WDR93: variants seen among roughly 807,000 people sequenced by gnomAD.
WDR93 encodes WD repeat-containing protein 93.
A neutral mutation model predicts 82.9 loss-of-function variants in WDR93; 73 were observed. The ratio of observed to expected loss-of-function variants is 0.88; its 90% CI spans 0.73 to 1.07. WDR93 has a LOEUF of 1.07. Among genes scored for constraint, WDR93 ranks in the 50% least tolerant of loss-of-function variants. WDR93 has a pLI of 0.00. For missense variants in WDR93, 738 were observed against 826.0 expected, an observed-to-expected ratio of 0.89 and a Z score of 1.31; for synonymous variants, 283 against 300.1, an observed-to-expected ratio of 0.94 and a Z score of 0.59.
chr15:89,729,715 A>C lies in WDR93; in HGVS notation c.1156A>C (p.Arg386=). The C allele has an allele frequency of 3.1e-6, 5 of 1,613,016 alleles. No individual in the cohort carries two copies. Among genetic ancestry groups the C allele is most frequent in the Non-Finnish European group, 4.2e-6 (5 of 1,179,814 alleles). The change falls in exon 11 of 17, where the codon AGA becomes CGA. Residue 386 remains arginine, a synonymous_variant. Coordinates refer to ENST00000268130, the MANE Select transcript of WDR93 (RefSeq NM_020212.2). ...MACVLGIHWT[R]SHNFFLYSLN... is the part of the protein sequence containing the mutation. Reference sequence around the variant, plus strand: ...CTGTGTCCTTGGTATACACTGGACCAGAAGTCACAATTTCTTCCTGTATTC... The same window carrying C: ...CTGTGTCCTTGGTATACACTGGACCCGAAGTCACAATTTCTTCCTGTATTC...
rs765731628 is a variant in WDR93, at chr15:89,722,133, G to C, written c.874G>C (p.Val292Leu). ...YIMKIKPPKPVTGTTFKSPLE... is the reference protein window; with the variant it reads ...YIMKIKPPKPLTGTTFKSPLE... ...AATGAAGATCAAACCACCTAAGCCT[G>C]TTACAGGTAAGTGTGATTCAAATCT... The change falls in exon 8 of 17, where the codon GTT becomes CTT. Residue 292 changes from valine to leucine, a missense_variant. By Grantham distance (32) the Val-to-Leu change is conservative. Coordinates refer to ENST00000268130, the MANE Select transcript of WDR93 (RefSeq NM_020212.2). 3 of 1,599,996 alleles carry C rather than the reference G, an allele frequency of 1.9e-6. No homozygotes were observed. The highest frequency in any genetic ancestry group is 3.5e-5 in the Admixed American group (2 of 57,502).
At chr15:89,711,045 G>A (rs1370747922) in intron 4 of WDR93, among the ~76,000 whole-genome samples, 4 of 152,178 alleles carry the variant, frequency 2.6e-5, no homozygotes, top group Admixed American at 1.3e-4. Flanking sequence ...TGTAATAAAG[G>A]AGTCAGGATG....
intron 6 of WDR93, 119 bp from the exon 7 acceptor site, chr15:89,716,792 G>T: frequency 1.4e-6 from 1 of 733,560 alleles, no homozygotes; most frequent in Non-Finnish European, 2.3e-6. Context: ...CTCCACATCT[G>T]TTGCATGAAT....
intron 13 of WDR93, among the ~76,000 whole-genome samples, 186 bp downstream of exon 13, chr15:89,733,405 G>A (rs1304785283): frequency 1.3e-5 from 2 of 152,150 alleles, no homozygotes; most frequent in Non-Finnish European, 2.9e-5. Context: ...AAAATTGTAT[G>A]ATAGCACAGA....
At chr15:89,736,555 C>T (rs187238558) in intron 14 of WDR93, among the ~76,000 whole-genome samples, 249 of 151,960 alleles carry the variant, frequency 1.6e-3, no homozygotes, top group Non-Finnish European at 3.0e-3. Flanking sequence ...ACAAAGTGAC[C>T]GTGAGGGGCC....
At chr15:89,740,533 C>T (rs1967582920) in intron 16 of WDR93, among the ~76,000 whole-genome samples, 1 of 152,160 alleles carries the variant, frequency 6.6e-6, no homozygotes, top group Non-Finnish European at 1.5e-5. Context: ...CAGAGTTTCA[C>T]TCTTATCACC....
At chr15:89,738,507 A>G (rs555276965) in intron 16 of WDR93, among the ~76,000 whole-genome samples, 66 of 151,824 alleles carry the variant, frequency 4.3e-4, no homozygotes, top group African/African-American at 1.4e-3. Flanking sequence ...CATGCCTGTA[A>G]TCCCAGCTAC....
intron 16 of WDR93, among the ~76,000 whole-genome samples, chr15:89,740,641 A>ACCACTGGGATTAC (rs1393014037): frequency 2.0e-5 from 3 of 151,876 alleles, no homozygotes; most frequent in Admixed American, 1.3e-4. Flanking sequence ...AGCTGGGATT[A>ACCACTGGGATTAC]CAGGCATGCG....
At chr15:89,722,486 T>C (rs1966565826) in intron 8 of WDR93, among the ~76,000 whole-genome samples, 2 of 152,212 alleles carry the variant, frequency 1.3e-5, no homozygotes, top group Admixed American at 6.5e-5. Context: ...AATTTATTCA[T>C]TATTATTTGC....
At chr15:89,696,041 T>C (rs1965155307) in intron 1 of WDR93, among the ~76,000 whole-genome samples, 1 of 152,068 alleles carries the variant, frequency 6.6e-6, no homozygotes, top group Non-Finnish European at 1.5e-5. Flanking sequence ...GGTCTTGAAC[T>C]CCTGACCTCA....
At chr15:89,721,378 G>C (rs554553252) in intron 7 of WDR93, 3 of 152,204 alleles carry the variant, frequency 2.0e-5, no homozygotes, top group Non-Finnish European at 4.4e-5. Context: ...GCAGCATGGC[G>C]AGACCTCATC....
At chr15:89,742,626 C>G (rs555692115) in intron 16 of WDR93, among the ~76,000 whole-genome samples, 3 of 152,294 alleles carry the variant, frequency 2.0e-5, no homozygotes, top group Admixed American at 2.0e-4. Context: ...CTCCATCTCC[C>G]AGATTCAAGC....
At chr15:89,699,585 CTCTT>C (rs541127235) in intron 1 of WDR93, among the ~76,000 whole-genome samples, 243 of 151,530 alleles carry the variant, frequency 1.6e-3, no homozygotes, top group Admixed American at 3.0e-3. Context: ...ATTTCAGTCA[CTCTT>C]TATTAGGCCA....
chr15:89,717,288 G>A (rs13329359), intron 7 of WDR93, among the ~76,000 whole-genome samples: 3 of 151,964 alleles, frequency 2.0e-5, no homozygotes, highest in Admixed American at 6.5e-5. Context: ...TTCAACTCCC[G>A]ACCTCAGGTG....
At chr15:89,708,942 T>C (rs1965840939) in intron 4 of WDR93, among the ~76,000 whole-genome samples, 1 of 152,254 alleles carries the variant, frequency 6.6e-6, no homozygotes, top group Non-Finnish European at 1.5e-5. Flanking sequence ...CATGGGCTTC[T>C]AGCCTGTGGC....
rs753644854 is a variant in WDR93, at chr15:89,712,078, G to A, written c.614G>A (p.Gly205Glu). 4 of 1,612,874 alleles carry A rather than the reference G, an allele frequency of 2.5e-6. No individual in the cohort carries two copies. Among genetic ancestry groups the A allele is most frequent in the Non-Finnish European group, 3.4e-6 (4 of 1,179,378 alleles). Reference sequence around the variant, plus strand: ...ATAAAGATGGAGATCTCTCAAGGAGGGGACTTTGCAGCCTTCCTCCTACAA... The same window carrying A: ...ATAAAGATGGAGATCTCTCAAGGAGAGGACTTTGCAGCCTTCCTCCTACAA... ...TCIKMEISQG[G>E]DFAAFLLQGA... Residue 205 changes from glycine (G) to glutamate (E), a missense_variant, in exon 5 of 17, where the codon GGG becomes GAG. By Grantham distance (98) the Gly-to-Glu change is moderately conservative. Coordinates refer to ENST00000268130, the MANE Select transcript of WDR93 (RefSeq NM_020212.2).
At position 89,733,172 on chromosome 15, in the gene WDR93, G is replaced by C. The variant is rs1228792155; in HGVS notation, c.1497G>C (p.Val499=). 1 of 1,613,974 alleles carries C rather than the reference G, an allele frequency of 6.2e-7. No individual in the cohort carries two copies. The highest frequency in any genetic ancestry group is 8.5e-7 in the Non-Finnish European group (1 of 1,179,956). ...VLCTDASLHL[V]EASGTQGPTI... is the part of the protein sequence containing the mutation. ...GCACAGACGCCTCCCTCCATCTGGT[G>C]GAGGCTAGCGGGACCCAAGGACCCA... The change falls in exon 13 of 17, where the codon GTG becomes GTC. Residue 499 remains valine, a synonymous_variant. Transcript: ENST00000268130.
At chr15:89,731,354 G>T in intron 11 of WDR93, 89 bp from the exon 12 acceptor site, 1 of 1,570,242 alleles carries the variant, frequency 6.4e-7, no homozygotes, top group South Asian at 1.2e-5. Flanking sequence ...TGAACAGGCA[G>T]ACCAGTCTGA....
At chr15:89,709,649 G>A (rs373916036) in intron 4 of WDR93, among the ~76,000 whole-genome samples, 14 of 152,024 alleles carry the variant, frequency 9.2e-5, no homozygotes, top group South Asian at 6.2e-4. Context: ...ACAGTGTTTC[G>A]CCATGTTGCC....
Sources: allele counts gnomAD v4.1 joint callset (sites outside exome capture counted in the v4.1 genomes callset), GRCh38; gene constraint gnomAD v4.1.1; transcripts MANE v1.5; gene names NCBI Gene and HGNC (gene_info 2026-07-23, HGNC 2026-07-21).